Variants in ZC3H8 observed in about 807,000 individuals in gnomAD.
ZC3H8 encodes the protein zinc finger CCCH-type containing 8, also known as zinc finger CCCH domain-containing protein 8.
In ZC3H8, 27 loss-of-function variants were observed where a neutral mutation model predicts 42.5. The ratio of observed to expected loss-of-function variants is 0.64; its 90% CI spans 0.47 to 0.88. The LOEUF (loss-of-function observed/expected upper bound fraction) is 0.88. Ranked by LOEUF, ZC3H8 falls within the 40% of genes least tolerant of loss-of-function variation. The pLI, the probability that ZC3H8 is intolerant of heterozygous loss-of-function variation, is 0.00. For synonymous variants in ZC3H8, 101 were observed against 110.1 expected, an observed-to-expected ratio of 0.92 and a Z score of 0.52; for missense variants, 277 against 336.1, an observed-to-expected ratio of 0.82 and a Z score of 1.37.
At chr2:112,245,219 A>T (rs192626628) in intron 2 of ZC3H8, among the ~76,000 whole-genome samples, 219 of 152,386 alleles carry the variant, frequency 1.4e-3, no homozygotes, top group Middle Eastern at 0.01. Flanking sequence ...CCTTAAGCCA[A>T]AGCCTAATCC....
At chr2:112,254,638 T>C (rs1219700204) in intron 1 of ZC3H8, among the ~76,000 whole-genome samples, 2 of 152,172 alleles carry the variant, frequency 1.3e-5, no homozygotes, top group Non-Finnish European at 2.9e-5. Context: ...CCCGGAGCCT[T>C]CTCGCCTCCA....
chr2:112,252,085 C>A (rs780814137), intron 1 of ZC3H8, among the ~76,000 whole-genome samples: 3 of 152,186 alleles, frequency 2.0e-5, no homozygotes, highest in Non-Finnish European at 4.4e-5. Context: ...CTTTCTATAT[C>A]ATCACTATGA....
intron 8 of ZC3H8, among the ~76,000 whole-genome samples, chr2:112,228,159 T>G (rs1684927934): frequency 1.3e-5 from 2 of 152,218 alleles, no homozygotes; most frequent in African/African-American, 4.8e-5. Context: ...CAGCTGATTT[T>G]TGACAAAGGC....
At chr2:112,228,280 T>A (rs1292793556) in intron 8 of ZC3H8, among the ~76,000 whole-genome samples, 2 of 152,118 alleles carry the variant, frequency 1.3e-5, no homozygotes, top group South Asian at 2.1e-4. Flanking sequence ...GGTGGGCAGA[T>A]CACCTGAGGT....
At chr2:112,245,593 G>A (rs2104667605) in intron 2 of ZC3H8, among the ~76,000 whole-genome samples, 1 of 152,338 alleles carries the variant, frequency 6.6e-6, no homozygotes. Flanking sequence ...GGCAGACGAT[G>A]CAGTGAGCCA....
At position 112,212,589 on chromosome 2, in the gene ZC3H8, C is replaced by T. The variant is rs1319562465; in HGVS notation, c.*3895G>A. The T allele has an allele frequency of 6.6e-6, 1 of 152,114 alleles. No individual in the cohort carries two copies. Among genetic ancestry groups the T allele is most frequent in the Non-Finnish European group, 1.5e-5 (1 of 68,034 alleles). The allele number at this position is 152,114 out of a possible 1,614,324, so 9.4% of individuals were successfully genotyped here. A position where few individuals can be genotyped will look rare whatever the true frequency, so the allele number is the denominator to read the frequency against. On this transcript the variant is annotated 3_prime_UTR_variant, in exon 9 of 9. Coordinates refer to ENST00000409573, the MANE Select transcript of ZC3H8 (RefSeq NM_032494.3). ...AAATATATTATTTCAGGTGGTATGA[C>T]ATGAAATCTGAAGGTGAGGTATCGC...
intron 6 of ZC3H8, among the ~76,000 whole-genome samples, chr2:112,232,581 G>T (rs1685144216): frequency 1.3e-5 from 2 of 152,042 alleles, no homozygotes; most frequent in South Asian, 4.1e-4. Context: ...ATTCCTTTGG[G>T]GGTGGAGGAA....
At position 112,228,082 on chromosome 2, in the gene ZC3H8, TAA is replaced by T. The variant is rs780052329; in HGVS notation, c.*15+2819_*15+2820del. On this transcript the variant is annotated intron_variant, in intron 8 of 8. Transcript: ENST00000409573. ...GTAATCAAGACACTGTGATAGTGTA[TAA>T]GGACACACATATAGAGGTCAATGGA... is the stretch of plus-strand genomic sequence containing the variant. Among the ~76,000 whole-genome samples, 285 of 152,342 alleles carry T rather than the reference TAA, an allele frequency of 1.9e-3. 1 individual carries two copies. Among genetic ancestry groups the T allele is most frequent in the Non-Finnish European group, 3.1e-3 (208 of 68,038 alleles).
rs746726639 is a variant in ZC3H8, at chr2:112,238,302, G to GT, written c.370+12dup. 2 of 1,609,366 alleles carry GT rather than the reference G, an allele frequency of 1.2e-6. No individual in the cohort carries two copies. Among genetic ancestry groups the GT allele is most frequent in the Non-Finnish European group, 1.7e-6 (2 of 1,178,288 alleles). On this transcript the variant is annotated intron_variant, in intron 3 of 8. Transcript: ENST00000409573. ...TAGATAAACTTTAAATGATAAAATA[G>GT]TTTGACTCTTACCCTGTGGGGTATC...
Position 112,234,253 on chromosome 2 carries a change from A to C in ZC3H8, c.505-17T>G. The C allele has an allele frequency of 6.6e-7, 1 of 1,513,130 alleles. No individual in the cohort carries two copies. The highest frequency in any genetic ancestry group is 9.0e-7 in the Non-Finnish European group (1 of 1,112,628). The allele number at this position is 1,513,130 out of a possible 1,614,324, so 93.7% of individuals were successfully genotyped here. A position where few individuals can be genotyped will look rare whatever the true frequency, so the allele number is the denominator to read the frequency against. ...TTTACCATCCTTTAAAAACAAAAAC[A>C]AAAAAACTAAATGTAAGAAACAGAA... On this transcript the variant is annotated splice_polypyrimidine_tract_variant and intron_variant, in intron 4 of 8. Transcript: ENST00000409573.
chr2:112,254,861 G>GC (rs749639429), intron 1 of ZC3H8, 47 bp downstream of exon 1: 1 of 1,592,074 alleles, frequency 6.3e-7, no homozygotes, highest in South Asian at 1.1e-5. Context: ...AAGAGGCGGA[G>GC]TCCCGCTGAG....
At position 112,212,965 on chromosome 2, in the gene ZC3H8, C is replaced by CTTTTTTTTTTTTTTTTTTTTTTTTTTTT. The variant is rs35500593; in HGVS notation, c.*3518_*3519insAAAAAAAAAAAAAAAAAAAAAAAAAAAA. On this transcript the variant is annotated 3_prime_UTR_variant, in exon 9 of 9. Coordinates refer to ENST00000409573, the MANE Select transcript of ZC3H8 (RefSeq NM_032494.3). The stretch of plus-strand genomic sequence containing the variant: ...CAGCAAGCACAACTCAGAAGAAATG[C>CTTTTTTTTTTTTTTTTTTTTTTTTTTTT]TTTTTTTTTTTTTTTTTTTTTTTAT... The CTTTTTTTTTTTTTTTTTTTTTTTTTTTT allele has an allele frequency of 1.2e-4, 10 of 84,890 alleles. No homozygotes were observed. The highest frequency in any genetic ancestry group is 1.6e-4 in the Non-Finnish European group (7 of 43,268). 5.3% of individuals were successfully genotyped at this position (84,890 alleles called of 1,614,324 possible).
rs1371128717 is a variant in ZC3H8 at position 112,216,181 on chromosome 2, A to G, written c.*303T>C. On this transcript the variant is annotated 3_prime_UTR_variant, in exon 9 of 9. Transcript: ENST00000409573. ...TTTTATTAAGGAAATCCAATCAATC[A>G]GAAGAGGTTTCTACAATTTACTATC... is the stretch of plus-strand genomic sequence containing the variant. 1 of 152,248 alleles carries G rather than the reference A, an allele frequency of 6.6e-6. No individual in the cohort carries two copies. Among genetic ancestry groups the G allele is most frequent in the Non-Finnish European group, 1.5e-5 (1 of 68,056 alleles). 9.4% of individuals were successfully genotyped at this position (152,248 alleles called of 1,614,324 possible). A position where few individuals can be genotyped will look rare whatever the true frequency, so the allele number is the denominator to read the frequency against.
At position 112,255,017 on chromosome 2, in the gene ZC3H8, G is replaced by A. The variant is rs758478271; in HGVS notation, c.-36C>T. 4 of 1,574,142 alleles carry A rather than the reference G, an allele frequency of 2.5e-6. No individual in the cohort carries two copies. The highest frequency in any genetic ancestry group is 2.7e-5 in the African/African-American group (2 of 73,886). Reference sequence around the variant, plus strand: ...GGTCCTCCCTTTCGCGAGCCGGGAAGCTACAGAGTAACAACCCGAGAGAGT... The same window carrying A: ...GGTCCTCCCTTTCGCGAGCCGGGAAACTACAGAGTAACAACCCGAGAGAGT... On this transcript the variant is annotated 5_prime_UTR_variant, in exon 1 of 9. Transcript: ENST00000409573.
chr2:112,236,826 T>C (rs1382017962), intron 3 of ZC3H8, 131 bp from the exon 4 acceptor site: 2 of 846,100 alleles, frequency 2.4e-6, no homozygotes, highest in East Asian at 5.3e-5. Flanking sequence ...GCAGGAGGAC[T>C]GCTCAAAGCT....
intron 4 of ZC3H8, among the ~76,000 whole-genome samples, chr2:112,234,908 T>C (rs1432037070): frequency 6.6e-6 from 1 of 151,976 alleles, no homozygotes; most frequent in Non-Finnish European, 1.5e-5. Flanking sequence ...GAAATCAGAG[T>C]GAACCAAAAG....
At chr2:112,238,280 AT>A in intron 3 of ZC3H8, 34 bp downstream of exon 3, 1 of 1,597,188 alleles carries the variant, frequency 6.3e-7, no homozygotes, top group Non-Finnish European at 8.5e-7. Context: ...GCTTCTCTAG[AT>A]AAACTTTAAA....
intron 8 of ZC3H8, among the ~76,000 whole-genome samples, chr2:112,230,094 C>T (rs555028474): frequency 1.3e-5 from 2 of 152,240 alleles, no homozygotes; most frequent in East Asian, 3.9e-4. Flanking sequence ...CATTAACAGG[C>T]ATTTCACCAA....
At chr2:112,250,297 CAA>C in intron 1 of ZC3H8, 25 bp from the exon 2 acceptor site, 3 of 1,527,152 alleles carry the variant, frequency 2.0e-6, no homozygotes, top group Non-Finnish European at 1.8e-6. Context: ...TCAAATAACA[CAA>C]AAGAGTTTTT....
Sources: allele counts gnomAD v4.1 joint callset (sites outside exome capture counted in the v4.1 genomes callset), GRCh38; gene constraint gnomAD v4.1.1; transcripts MANE v1.5; gene names NCBI Gene and HGNC (gene_info 2026-07-23, HGNC 2026-07-21).